The following RANBP2 variants were observed in gnomAD, a reference collection of about 807,000 sequenced individuals.
RANBP2 encodes the protein E3 SUMO-protein ligase RanBP2.
In RANBP2, 57 loss-of-function variants were observed where a neutral mutation model predicts 303.6. That is an observed-to-expected ratio of 0.19 (90% CI 0.15 to 0.23). The LOEUF is 0.23. Among genes scored for constraint, RANBP2 ranks in the 10% least tolerant of loss-of-function variants. RANBP2 has a pLI of 1.00. For missense variants in RANBP2, 3,138 were observed against 3,780.8 expected, an observed-to-expected ratio of 0.83 and a Z score of 4.46; for synonymous variants, 1,167 against 1,301.5, an observed-to-expected ratio of 0.90 and a Z score of 2.23.
At chr2:109,058,969 GA>G in the RANBP2 span, among the ~76,000 whole-genome samples, 2 of 152,336 alleles carry the variant, frequency 1.3e-5, no homozygotes, top group African/African-American at 4.8e-5. Context: ...AAGTGGCGGG[GA>G]GACAGGACAC....
the RANBP2 span, among the ~76,000 whole-genome samples, chr2:109,216,721 T>C: frequency 1.3e-5 from 2 of 152,258 alleles, no homozygotes; most frequent in African/African-American, 4.8e-5. Flanking sequence ...CATGCTTGTC[T>C]GATCATTTGC....
the RANBP2 span, among the ~76,000 whole-genome samples, chr2:109,037,688 AAC>A: frequency 1.3e-5 from 2 of 152,222 alleles, no homozygotes; most frequent in Non-Finnish European, 2.9e-5. Context: ...TAGCATTAAT[AAC>A]ACAATACCAT....
At chr2:108,741,387 G>C (rs1696073688) in intron 7 of RANBP2, among the ~76,000 whole-genome samples, 1 of 150,258 alleles carries the variant, frequency 6.7e-6, no homozygotes, top group African/African-American at 2.5e-5. Flanking sequence ...TAATAGAGAT[G>C]GCGTTTCACC....
the RANBP2 span, among the ~76,000 whole-genome samples, chr2:109,381,372 C>T: frequency 1.8e-4 from 28 of 152,304 alleles, no homozygotes; most frequent in African/African-American, 5.3e-4. Context: ...AGGTCAATGG[C>T]GGGGTTACTT....
chr2:109,196,721 G>A, the RANBP2 span, among the ~76,000 whole-genome samples: 5 of 152,162 alleles, frequency 3.3e-5, no homozygotes, highest in East Asian at 1.9e-4. Context: ...GCCTCCTCCC[G>A]GAGGAGGGAG....
chr2:109,028,602 G>A, the RANBP2 span, among the ~76,000 whole-genome samples: 1 of 152,142 alleles, frequency 6.6e-6, no homozygotes, highest in Non-Finnish European at 1.5e-5. Flanking sequence ...TGTGCCCTAA[G>A]CATCCGATCC....
the RANBP2 span, chr2:109,129,987 C>A: frequency 7.7e-7 from 1 of 1,297,988 alleles, no homozygotes; most frequent in South Asian, 2.4e-5. Flanking sequence ...CCCCCACGCT[C>A]GCGGGCGGCG....
the RANBP2 span, among the ~76,000 whole-genome samples, chr2:109,478,194 TG>T: frequency 6.6e-6 from 1 of 152,260 alleles, no homozygotes; most frequent in Non-Finnish European, 1.5e-5. Context: ...CTAACGGCCT[TG>T]TTAAGTTTCA....
the RANBP2 span, among the ~76,000 whole-genome samples, chr2:109,336,825 A>G: frequency 1.3e-5 from 2 of 152,176 alleles, no homozygotes; most frequent in East Asian, 3.8e-4. Context: ...TGGGGTGCCG[A>G]GGGACCCTCT....
At chr2:109,369,791 C>A in the RANBP2 span, among the ~76,000 whole-genome samples, 1 of 152,188 alleles carries the variant, frequency 6.6e-6, no homozygotes, top group Non-Finnish European at 1.5e-5. Flanking sequence ...ACCCTACGGC[C>A]CCCTCCGCTC....
chr2:109,285,420 C>A, the RANBP2 span, among the ~76,000 whole-genome samples: 1 of 152,334 alleles, frequency 6.6e-6, no homozygotes, highest in South Asian at 2.1e-4. Flanking sequence ...AGGCACAAAC[C>A]GCTGATTCTC....
chr2:109,293,922 C>T, the RANBP2 span, among the ~76,000 whole-genome samples: 1 of 152,306 alleles, frequency 6.6e-6, no homozygotes, highest in East Asian at 1.9e-4. Context: ...GACTCTTTAC[C>T]AATGGCCGGC....
chr2:109,499,864 A>G, the RANBP2 span, among the ~76,000 whole-genome samples: 1 of 152,188 alleles, frequency 6.6e-6, no homozygotes, highest in African/African-American at 2.4e-5. Flanking sequence ...GACATTTGCA[A>G]TGGGGAATAG....
At chr2:108,922,550 T>G in the RANBP2 span, among the ~76,000 whole-genome samples, 3 of 152,258 alleles carry the variant, frequency 2.0e-5, no homozygotes, top group Non-Finnish European at 2.9e-5. Context: ...CTTTCCAGCG[T>G]GATAAGACGC....
chr2:109,256,341 G>GT, the RANBP2 span, among the ~76,000 whole-genome samples: 2 of 152,216 alleles, frequency 1.3e-5, no homozygotes, highest in Non-Finnish European at 2.9e-5. Context: ...AGCTTGGAAG[G>GT]TGCTCTGGGC....
chr2:108,849,042 G>A, the RANBP2 span, among the ~76,000 whole-genome samples: 1 of 152,138 alleles, frequency 6.6e-6, no homozygotes, highest in African/African-American at 2.4e-5. Flanking sequence ...GGGATAAAAA[G>A]ACTTCAATCA....
At chr2:108,989,823 G>T in the RANBP2 span, among the ~76,000 whole-genome samples, 1 of 151,462 alleles carries the variant, frequency 6.6e-6, no homozygotes, top group Admixed American at 6.6e-5. Context: ...ATTGGGGGGG[G>T]GAAAACAGCC....
the RANBP2 span, among the ~76,000 whole-genome samples, chr2:108,871,263 T>G: frequency 1.3e-5 from 2 of 150,388 alleles, no homozygotes; most frequent in African/African-American, 4.9e-5. Flanking sequence ...CCAGGTGTGG[T>G]GTCTCATGCC....
At chr2:109,198,416 A>G in the RANBP2 span, among the ~76,000 whole-genome samples, 1 of 152,260 alleles carries the variant, frequency 6.6e-6, no homozygotes, top group Non-Finnish European at 1.5e-5. Flanking sequence ...GTAGAGGGGC[A>G]CAGTGGGCTA....
Sources: gnomAD v4.1 joint callset for allele counts (sites outside exome capture counted in the v4.1 genomes callset) on GRCh38, gnomAD v4.1.1 for gene constraint, MANE v1.5 for transcripts, NCBI Gene and HGNC (gene_info 2026-07-23, HGNC 2026-07-21) for gene names.